The following RPL5 variants were observed in gnomAD, a reference collection of about 807,000 sequenced individuals.
RPL5 encodes large ribosomal subunit protein uL18.
A neutral mutation model predicts 38.4 loss-of-function variants in RPL5; 1 was observed. That is an observed-to-expected ratio of 0.03 (90% CI 0.01 to 0.12). The LOEUF (loss-of-function observed/expected upper bound fraction) is 0.12, where lower values mean the gene tolerates loss of function less well. RPL5 is among the 10% of genes least tolerant of loss of function. RPL5 has a pLI of 1.00. For synonymous variants in RPL5, 109 were observed against 121.2 expected (o/e 0.90, Z 0.66); for missense variants, 243 against 374.1 (o/e 0.65, Z 2.89).
At chr1:92,835,072 CT>C in intron 4 of RPL5, 159 bp downstream of exon 4, 1 of 1,045,256 alleles carries the variant, frequency 9.6e-7, no homozygotes, top group East Asian at 2.4e-5. Context: ...TAGGTCAGCT[CT>C]TTCCAATAAA....
chr1:92,837,903 G>A, intron 6 of RPL5: 2 of 446,884 alleles, frequency 4.5e-6, no homozygotes, highest in South Asian at 4.4e-5. Context: ...TGGATAAGAG[G>A]TGCTAGATAA....
Position 92,834,897 on chromosome 1 carries a change from T to A in RPL5, c.308T>A (p.Leu103Gln). Reference protein sequence around the residue: ...TNYAAAYCTGLLLARRLLNRF... With the variant: ...TNYAAAYCTGQLLARRLLNRF... The stretch of plus-strand genomic sequence containing the variant: ...TATGCTGCAGCATATTGTACTGGCC[T>A]GCTGCTGGCCCGCAGGGTATGTACA... The change falls in exon 4 of 8, where the codon CTG (leucine) becomes CAG (glutamine). Residue 103 changes from leucine to glutamine, a missense_variant. Coordinates refer to ENST00000370321, the MANE Select transcript of RPL5 (RefSeq NM_000969.5). 6.2e-7 allele frequency: 1 copy of A among 1,602,214 alleles called. No individual in the cohort carries two copies. Among genetic ancestry groups the A allele is most frequent in the Non-Finnish European group, 8.5e-7 (1 of 1,179,990 alleles).
intron 4 of RPL5, 72 bp downstream of exon 4, chr1:92,834,985 TA>T (rs1687060665): frequency 2.5e-6 from 4 of 1,589,718 alleles, no homozygotes; most frequent in Admixed American, 1.7e-5. Flanking sequence ...AAGATGTTTG[TA>T]CATGGATAAG....
rs141545588 is a variant in RPL5 at position 92,836,504 on chromosome 1, G to C, written c.527+112G>C. ...AGTAGCTATCAATTGAATGCCTGCTGTATGCCTAGGTACCATGCAGGAGGA... is the reference window on the plus strand; with the variant it reads ...AGTAGCTATCAATTGAATGCCTGCTCTATGCCTAGGTACCATGCAGGAGGA... On this transcript the variant is annotated intron_variant, in intron 5 of 7. Transcript: ENST00000370321. 184 of 918,132 alleles carry C rather than the reference G, an allele frequency of 2.0e-4. No individual in the cohort carries two copies. The African/African-American group carries it at 2.4e-3, about 12-fold the overall frequency. The allele number at this position is 918,132 out of a possible 1,614,324, so 56.9% of individuals were successfully genotyped here. A position where few individuals can be genotyped will look rare whatever the true frequency, so the allele number is the denominator to read the frequency against.
intron 1 of RPL5, among the ~76,000 whole-genome samples, chr1:92,832,586 G>A (rs965678068): frequency 3.3e-5 from 5 of 152,216 alleles, no homozygotes; most frequent in African/African-American, 1.2e-4. Flanking sequence ...GATTTAGGAA[G>A]CTTGTGCCCG....
At chr1:92,834,657 A>T in intron 3 of RPL5, 122 bp from the exon 4 acceptor site, 1 of 1,332,414 alleles carries the variant, frequency 7.5e-7, no homozygotes, top group Non-Finnish European at 1.1e-6. Context: ...TAAGAGTCTT[A>T]AGCATTTTAA....
rs1687380448 is a variant in RPL5 at position 92,841,883 on chromosome 1, G to T, written c.*18G>T. ...AGAGCTAAACCCAGCAATTTTCTAT[G>T]ATTTTTTCAGATATAGATAATAAAC... On this transcript the variant is annotated 3_prime_UTR_variant, in exon 8 of 8. Coordinates refer to ENST00000370321, the MANE Select transcript of RPL5 (RefSeq NM_000969.5). 6 of 1,564,006 alleles carry T rather than the reference G, an allele frequency of 3.8e-6. No homozygotes were observed. The highest frequency in any genetic ancestry group is 5.3e-6 in the Non-Finnish European group (6 of 1,136,454).
At chr1:92,835,284 T>C (rs145971025) in intron 4 of RPL5, 105 of 349,200 alleles carry the variant, frequency 3.0e-4, no homozygotes, top group African/African-American at 2.1e-3. Context: ...TGCAGACTCG[T>C]GGGAACTCCA....
chr1:92,835,073 T>C lies in RPL5; in HGVS notation c.324+160T>C, dbSNP rs1687064294. 3.8e-6 allele frequency: 4 copies of C among 1,040,914 alleles called. No individual in the cohort carries two copies. In the South Asian group the frequency reaches 5.5e-5, roughly 14 times the overall value. 64.5% of individuals were successfully genotyped at this position (1,040,914 alleles called of 1,614,324 possible). A position where few individuals can be genotyped will look rare whatever the true frequency, so the allele number is the denominator to read the frequency against. ...TTAATGGATCTATCTAGGTCAGCTC[T>C]TTCCAATAAAATTTTCTGCAATGAC... On this transcript the variant is annotated intron_variant, in intron 4 of 7. Coordinates refer to ENST00000370321, the MANE Select transcript of RPL5 (RefSeq NM_000969.5).
rs1001095608 is a variant in RPL5 at position 92,832,052 on chromosome 1, C to T, written c.-63C>T. 2.9e-5 allele frequency: 46 copies of T among 1,610,176 alleles called. No individual in the cohort carries two copies. Among genetic ancestry groups the T allele is most frequent in the African/African-American group, 6.7e-5 (5 of 74,896 alleles). ...CAAGGGCTGTGGCCCTTTTCCCACCCCCTAGCGCCGCTGGGCCTGCAGGTC... is the reference window on the plus strand; with the variant it reads ...CAAGGGCTGTGGCCCTTTTCCCACCTCCTAGCGCCGCTGGGCCTGCAGGTC... On this transcript the variant is annotated 5_prime_UTR_variant, in exon 1 of 8. Transcript: ENST00000370321.
chr1:92,839,965 C>T (rs529534456), intron 6 of RPL5, among the ~76,000 whole-genome samples: 13 of 150,702 alleles, frequency 8.6e-5, no homozygotes, highest in African/African-American at 2.0e-4. Context: ...CTCAGCCTCT[C>T]GAGGTAGCTG....
At chr1:92,832,945 G>T in intron 1 of RPL5, 2 of 709,284 alleles carry the variant, frequency 2.8e-6, no homozygotes, top group Non-Finnish European at 5.2e-6. Context: ...GTGGGACATA[G>T]CGTGTTCCGA....
intron 7 of RPL5, among the ~76,000 whole-genome samples, chr1:92,841,321 CTTCA>C (rs983866418): frequency 5.9e-5 from 9 of 152,256 alleles, no homozygotes; most frequent in South Asian, 4.1e-4. Flanking sequence ...ATATTCTCCA[CTTCA>C]TTCATGTTGC....
At chr1:92,833,165 C>G in intron 1 of RPL5, 1 of 653,996 alleles carries the variant, frequency 1.5e-6, no homozygotes, top group South Asian at 1.7e-5. Flanking sequence ...CCATATTTCT[C>G]TAAGGATTCA....
intron 1 of RPL5, chr1:92,832,698 C>G: frequency 2.6e-6 from 1 of 382,498 alleles, no homozygotes; most frequent in South Asian, 4.3e-5. Flanking sequence ...TACGTGCCTC[C>G]TGCCTCTTCC....
chr1:92,835,533 G>A (rs764233296), intron 4 of RPL5, among the ~76,000 whole-genome samples: 4 of 151,676 alleles, frequency 2.6e-5, no homozygotes, highest in Non-Finnish European at 5.9e-5. Flanking sequence ...GATGGTGTGT[G>A]TCTGTAGTCC....
intron 4 of RPL5, among the ~76,000 whole-genome samples, chr1:92,835,952 G>A (rs1687107257): frequency 6.6e-6 from 1 of 152,104 alleles, no homozygotes; most frequent in African/African-American, 2.4e-5. Flanking sequence ...GTGTGGACAT[G>A]TAGCAAAGAT....
Position 92,834,925 on chromosome 1 carries a change from A to T in RPL5, c.324+12A>T, listed in dbSNP as rs781444582. 7.5e-6 allele frequency: 12 copies of T among 1,600,142 alleles called. No homozygotes were observed. In the African/African-American group the frequency reaches 1.6e-4, roughly 21 times the overall value. On this transcript the variant is annotated intron_variant, in intron 4 of 7. Transcript: ENST00000370321. The stretch of plus-strand genomic sequence containing the variant: ...TGCTGGCCCGCAGGGTATGTACAAG[A>T]TGATTTTAATTGATGTAGTTTGTGG...
rs778200458 is a variant in RPL5 at position 92,834,823 on chromosome 1, G to A, written c.234G>A (p.Ala78=). The A allele has an allele frequency of 3.7e-6, 6 of 1,612,266 alleles. No homozygotes were observed. The highest frequency in any genetic ancestry group is 4.5e-5 in the East Asian group (2 of 44,882). ...RIEGDMIVCA[A]YAHELPKYGV... is the part of the protein sequence containing the mutation. Reference sequence around the variant, plus strand: ...AGGGGGATATGATAGTCTGCGCAGCGTATGCACACGAACTGCCAAAATATG... The same window carrying A: ...AGGGGGATATGATAGTCTGCGCAGCATATGCACACGAACTGCCAAAATATG... Residue 78 remains alanine, a synonymous_variant, in exon 4 of 8, where the codon GCG becomes GCA. Coordinates refer to ENST00000370321, the MANE Select transcript of RPL5 (RefSeq NM_000969.5).
Sources: gnomAD v4.1 joint callset for allele counts (sites outside exome capture counted in the v4.1 genomes callset) on GRCh38, gnomAD v4.1.1 for gene constraint, MANE v1.5 for transcripts, NCBI Gene and HGNC (gene_info 2026-07-23, HGNC 2026-07-21) for gene names.